The following ULK2 variants were observed in gnomAD, a reference collection of about 807,000 sequenced individuals.
ULK2 encodes serine/threonine-protein kinase ULK2.
Under a neutral mutation model 127.5 loss-of-function variants are expected in ULK2, and 76 were observed. That is an observed-to-expected ratio of 0.60 (90% confidence interval 0.50 to 0.72). The LOEUF (loss-of-function observed/expected upper bound fraction) is 0.72, where lower values mean the gene tolerates loss of function less well. Ranked by LOEUF, ULK2 falls within the 30% of genes least tolerant of loss-of-function variation. ULK2 has a pLI of 0.00. For synonymous variants in ULK2, 452 were observed against 461.9 expected (o/e 0.98, Z 0.28); for missense variants, 1,144 against 1,295.9 (o/e 0.88, Z 1.80).
intron 12 of ULK2, among the ~76,000 whole-genome samples, chr17:19,820,337 G>A (rs903377128): frequency 4.6e-5 from 7 of 152,222 alleles, no homozygotes; most frequent in African/African-American, 1.4e-4. Flanking sequence ...GTGAGCCACC[G>A]TGTCCGGCCT....
In ULK2 at chr17:19,826,178, A is replaced by C. The variant is rs1391782327; in HGVS notation, c.796T>G (p.Phe266Val). Residue 266 changes from phenylalanine (F) to valine (V), a missense_variant, in exon 11 of 27, where the codon TTT (phenylalanine) becomes GTT (valine). Phe to Val is a conservative substitution (Grantham distance 50). Transcript: ENST00000395544. Reference protein sequence around the residue: ...QKDRMDFEAFFSHPFLEQGPV... With the variant: ...QKDRMDFEAFVSHPFLEQGPV... ...CCTTGCTCAAGAAAAGGATGGCTAAAAAATGCTTCTGTAACAAGAAATGAG... is the reference window on the plus strand; with the variant it reads ...CCTTGCTCAAGAAAAGGATGGCTAACAAATGCTTCTGTAACAAGAAATGAG... 6.8e-7 allele frequency: 1 copy of C among 1,476,130 alleles called. No homozygotes were observed. Among genetic ancestry groups the C allele is most frequent in the Non-Finnish European group, 9.1e-7 (1 of 1,103,398 alleles). 91.4% of individuals were successfully genotyped at this position (1,476,130 alleles called of 1,614,324 possible). A position where few individuals can be genotyped will look rare whatever the true frequency, so the allele number is the denominator to read the frequency against.
intron 12 of ULK2, 76 bp from the exon 13 acceptor site, chr17:19,816,996 T>C: frequency 7.3e-7 from 1 of 1,370,084 alleles, no homozygotes. Context: ...ACTAAGGAAT[T>C]TTTTTTTTTC....
chr17:19,811,640 C>T (rs1597747568), intron 13 of ULK2, among the ~76,000 whole-genome samples: 1 of 151,960 alleles, frequency 6.6e-6, no homozygotes, highest in African/African-American at 2.4e-5. Flanking sequence ...CAGGGTTTCC[C>T]CATGTTGGCC....
chr17:19,858,518 C>T (rs2042178313), intron 3 of ULK2, among the ~76,000 whole-genome samples: 3 of 152,192 alleles, frequency 2.0e-5, no homozygotes, highest in South Asian at 2.1e-4. Context: ...TACGCCTGTA[C>T]ATCTCATTAA....
In ULK2 at chr17:19,801,758, G is replaced by C; in HGVS notation, c.1441+19C>G. ...AGTGAAAAAAAGGTTGAAAACAACT[G>C]TTTTTAAACTCTACTTACCCAAAGG... On this transcript the variant is annotated intron_variant, in intron 16 of 26. Coordinates refer to ENST00000395544, the MANE Select transcript of ULK2 (RefSeq NM_014683.4). 1.2e-6 allele frequency: 2 copies of C among 1,609,110 alleles called. No individual in the cohort carries two copies. Among genetic ancestry groups the C allele is most frequent in the Non-Finnish European group, 1.7e-6 (2 of 1,178,900 alleles).
At chr17:19,795,347 TAAAAAAAAAA>T (rs755484577) in intron 20 of ULK2, among the ~76,000 whole-genome samples, 11 of 82,766 alleles carry the variant, frequency 1.3e-4, no homozygotes, top group East Asian at 8.9e-4. Flanking sequence ...ACCCTACTGA[TAAAAAAAAAA>T]AAAAAAAAAA....
chr17:19,805,405 T>C (rs1051589215), intron 14 of ULK2, among the ~76,000 whole-genome samples: 6 of 152,194 alleles, frequency 3.9e-5, no homozygotes, highest in Non-Finnish European at 7.3e-5. Flanking sequence ...AAATAGAATG[T>C]CCTTATACCA....
chr17:19,779,182 C>T (rs1201541503), intron 25 of ULK2, among the ~76,000 whole-genome samples: 1 of 152,008 alleles, frequency 6.6e-6, no homozygotes, highest in Non-Finnish European at 1.5e-5. Context: ...CAGCACAGTT[C>T]ACAGTAGACA....
intron 14 of ULK2, among the ~76,000 whole-genome samples, chr17:19,807,439 T>C (rs1221949916): frequency 6.6e-6 from 1 of 152,226 alleles, no homozygotes; most frequent in Non-Finnish European, 1.5e-5. Context: ...CTTAGAATTC[T>C]GATATCCTAA....
At chr17:19,783,664 A>G (rs1597708213) in intron 22 of ULK2, 33 bp downstream of exon 22, 1 of 1,399,646 alleles carries the variant, frequency 7.1e-7, no homozygotes, top group East Asian at 2.6e-5. Flanking sequence ...TCAAATCAAC[A>G]TTACATTCAC....
At chr17:19,817,021 G>A in intron 12 of ULK2, 101 bp from the exon 13 acceptor site, 1 of 1,061,582 alleles carries the variant, frequency 9.4e-7, no homozygotes, top group Non-Finnish European at 1.3e-6. Context: ...ACAAAAGTGG[G>A]CATGAAGTCC....
chr17:19,807,638 G>A (rs552724324), intron 14 of ULK2, among the ~76,000 whole-genome samples: 2 of 152,096 alleles, frequency 1.3e-5, no homozygotes, highest in African/African-American at 4.8e-5. Flanking sequence ...AGCCAAAAAG[G>A]AGCCAAAGAT....
At chr17:19,851,776 T>C (rs562039110) in intron 3 of ULK2, among the ~76,000 whole-genome samples, 8 of 151,718 alleles carry the variant, frequency 5.3e-5, no homozygotes, top group Admixed American at 5.3e-4. Flanking sequence ...TGTAATCCCA[T>C]CACTTTAGGA....
chr17:19,817,619 T>A (rs955355276), intron 12 of ULK2, among the ~76,000 whole-genome samples: 15 of 152,238 alleles, frequency 9.9e-5, no homozygotes, highest in African/African-American at 3.6e-4. Flanking sequence ...TTTTGTCGTT[T>A]ATCTAGTGCA....
In ULK2 at chr17:19,843,092, C is replaced by T. The variant is rs1019584076; in HGVS notation, c.645+29G>A. ...ACTATAAAATGACAAGATCCCAAAA[C>T]TGAGGACATAAGAAAAAAGTCAGCC... On this transcript the variant is annotated intron_variant, in intron 8 of 26. Transcript: ENST00000395544. 1.3e-5 allele frequency: 20 copies of T among 1,528,876 alleles called. No homozygotes were observed. The South Asian group carries it at 2.0e-4, about 15-fold the overall frequency. 94.7% of individuals were successfully genotyped at this position (1,528,876 alleles called of 1,614,324 possible). A position where few individuals can be genotyped will look rare whatever the true frequency, so the allele number is the denominator to read the frequency against.
chr17:19,785,038 A>G (rs527986275), intron 21 of ULK2, among the ~76,000 whole-genome samples: 1 of 152,282 alleles, frequency 6.6e-6, no homozygotes, highest in African/African-American at 2.4e-5. Context: ...TCATGATACA[A>G]CAGATAAGAC....
chr17:19,814,438 ATTTTTTTTTT>A (rs1187090319), intron 13 of ULK2, among the ~76,000 whole-genome samples: 5 of 23,330 alleles, frequency 2.1e-4, no homozygotes, highest in African/African-American at 9.4e-4. Flanking sequence ...ATATATATAT[ATTTTTTTTTT>A]TTTTTTTTTT....
Position 19,849,400 on chromosome 17 carries a change from G to C in ULK2, c.264C>G (p.Cys88Trp), listed in dbSNP as rs761487928. Residue 88 changes from cysteine (C) to tryptophan (W), a missense_variant, in exon 5 of 27, where the codon TGC becomes TGG. Around this residue, in one of 2 missense-constraint regions of ULK2, gnomAD observed 231 missense variants for 325.4 expected, o/e 0.71. Transcript: ENST00000395544. The stretch of plus-strand genomic sequence containing the variant: ...AATAATCTGCGAGGTCTCCACCATT[G>C]CAATACTGACATAGAAAAGAGAAAG... ...PNSVFLVMEY[C>W]NGGDLADYLQ... is the part of the protein sequence containing the mutation. 1 of 1,606,968 alleles carries C rather than the reference G, an allele frequency of 6.2e-7. No homozygotes were observed. The highest frequency in any genetic ancestry group is 1.7e-5 in the Admixed American group (1 of 59,488).
At chr17:19,788,441 G>A (rs909255438) in intron 20 of ULK2, among the ~76,000 whole-genome samples, 5 of 151,750 alleles carry the variant, frequency 3.3e-5, no homozygotes. Context: ...AGTTCCTGTT[G>A]ACATTTCTAA....
Sources: allele counts gnomAD v4.1 joint callset (sites outside exome capture counted in the v4.1 genomes callset), GRCh38; gene constraint gnomAD v4.1.1; regional missense constraint gnomAD v4.1.1; transcripts MANE v1.5; gene names NCBI Gene and HGNC (gene_info 2026-07-23, HGNC 2026-07-21).